The following GALK2 variants were observed in gnomAD, a reference collection of about 807,000 sequenced individuals.
GALK2 encodes N-acetylgalactosamine kinase.
In GALK2, 36 loss-of-function variants were observed where a neutral mutation model predicts 52.4. That is an observed-to-expected ratio of 0.69 (90% CI 0.53 to 0.91). The LOEUF (loss-of-function observed/expected upper bound fraction) is 0.91. GALK2 is among the 40% of genes least tolerant of loss of function. The probability of loss-of-function intolerance (pLI) is 0.00; values close to 1 mark genes in which losing one functional copy is unlikely to be tolerated. For synonymous variants in GALK2, 176 were observed against 199.1 expected (o/e 0.88, Z 0.98); for missense variants, 579 against 559.1 (o/e 1.04, Z -0.36).
chr15:49,179,796 A>G (rs181650973), intron 1 of GALK2, among the ~76,000 whole-genome samples: 12 of 152,012 alleles, frequency 7.9e-5, no homozygotes, highest in Admixed American at 3.9e-4. Flanking sequence ...TGAAATGCTC[A>G]TTGTATTTTT....
rs766613319 is a variant in GALK2, at chr15:49,201,189, C to T, written c.81C>T (p.Asn27=). Residue 27 remains asparagine, a synonymous_variant, in exon 2 of 10, where the codon AAC becomes AAT. Transcript: ENST00000560031. ...TACTGAAGCTAAAGGAGATGTTTAACTCCAAGTTTGGATCTATTCCCAAGT... is the reference window on the plus strand; with the variant it reads ...TACTGAAGCTAAAGGAGATGTTTAATTCCAAGTTTGGATCTATTCCCAAGT... ...PRLLKLKEMF[N]SKFGSIPKFY... 6.8e-6 allele frequency: 11 copies of T among 1,607,622 alleles called. No homozygotes were observed. The East Asian group carries it at 1.6e-4, about 23-fold the overall frequency.
At position 49,196,013 on chromosome 15, in the gene GALK2, TA is replaced by T. The variant is rs1384972905; in HGVS notation, c.54-5148del. 1.9e-4 allele frequency among the ~76,000 whole-genome samples: 29 copies of T among 152,242 alleles called. No individual in the cohort carries two copies. The East Asian group carries it at 4.0e-3, about 21-fold the overall frequency. On this transcript the variant is annotated intron_variant, in intron 1 of 9. Transcript: ENST00000560031. ...CTGTTTAGTAGTATTTTCCCTTTGT[TA>T]TTTTTTTATTTTGTACATTTGTGCT...
chr15:49,226,757 C>T (rs1477250130), intron 3 of GALK2: 2 of 152,004 alleles, frequency 1.3e-5, no homozygotes, highest in Non-Finnish European at 2.9e-5. Context: ...TAGTATATTC[C>T]ATAGATTTTG....
At chr15:49,322,929 C>T (rs1398871890) in intron 9 of GALK2, among the ~76,000 whole-genome samples, 5 of 146,598 alleles carry the variant, frequency 3.4e-5, no homozygotes, top group African/African-American at 5.1e-5. Context: ...TGCCCTCCAG[C>T]CTGTGGGACA....
chr15:49,283,647 T>G lies in GALK2; in HGVS notation c.685T>G (p.Cys229Gly). 1 of 1,614,034 alleles carries G rather than the reference T, an allele frequency of 6.2e-7. No individual in the cohort carries two copies. Among genetic ancestry groups the G allele is most frequent in the Non-Finnish European group, 8.5e-7 (1 of 1,179,922 alleles). ...SGAVFVIANS[C>G]VEMNKAATSH... The stretch of plus-strand genomic sequence containing the variant: ...AGCAGTGTTTGTGATTGCCAACAGT[T>G]GTGTGGAGATGAATAAGGCAGCAAC... Residue 229 changes from cysteine to glycine, a missense_variant, in exon 7 of 10, where the codon TGT (cysteine) becomes GGT (glycine). Cys to Gly is a radical substitution (Grantham distance 159). Coordinates refer to ENST00000560031, the MANE Select transcript of GALK2 (RefSeq NM_002044.4).
chr15:49,299,709 G>GCTTGCTTGCTTTCTTTCTTTCTTTCTTT (rs2034799400), intron 8 of GALK2, among the ~76,000 whole-genome samples: 26 of 85,242 alleles, frequency 3.1e-4, no homozygotes, highest in African/African-American at 1.3e-3. Flanking sequence ...TCTTGGTATT[G>GCTTGCTTGCTTTCTTTCTTTCTTTCTTT]CTTTCTTTCT....
chr15:49,281,950 G>A (rs376862212), intron 5 of GALK2, 37 bp from the exon 6 acceptor site: 2 of 1,441,070 alleles, frequency 1.4e-6, no homozygotes. Flanking sequence ...AATGGGTTAT[G>A]ACTACTCACA....
chr15:49,352,846 A>G (rs1255583593), intron 3 of GALK2, among the ~76,000 whole-genome samples: 1 of 152,150 alleles, frequency 6.6e-6, no homozygotes, highest in East Asian at 1.9e-4. Flanking sequence ...CACCTACCTC[A>G]GTCCTTAAAA....
intron 9 of GALK2, among the ~76,000 whole-genome samples, chr15:49,323,271 CCTCTAGCAAAGTA>C (rs2037052722): frequency 6.6e-6 from 1 of 152,100 alleles, no homozygotes; most frequent in Admixed American, 6.6e-5. Context: ...ACAGACACAA[CCTCTAGCAAAGTA>C]TTGCTTTGTT....
At chr15:49,256,144 T>C (rs2091806410) in intron 5 of GALK2, among the ~76,000 whole-genome samples, 1 of 152,130 alleles carries the variant, frequency 6.6e-6, no homozygotes, top group African/African-American at 2.4e-5. Flanking sequence ...CAACGCGAAT[T>C]TGGTTTGACT....
intron 5 of GALK2, among the ~76,000 whole-genome samples, chr15:49,242,343 A>T (rs1035455539): frequency 6.6e-6 from 1 of 152,190 alleles, no homozygotes; most frequent in African/African-American, 2.4e-5. Context: ...GGAGCTGTGG[A>T]TATAGAGTAA....
chr15:49,344,389 C>T (rs2151251764), intron 3 of GALK2: 1 of 152,184 alleles, frequency 6.6e-6, no homozygotes, highest in South Asian at 2.1e-4. Flanking sequence ...TTAATGTTTG[C>T]AAAAGGTTAC....
intron 3 of GALK2, among the ~76,000 whole-genome samples, chr15:49,220,081 G>A (rs1224664138): frequency 1.3e-5 from 1 of 77,868 alleles, no homozygotes; most frequent in African/African-American, 5.0e-5. Context: ...TTTTTTTTGA[G>A]ACAGAGTCTT....
intron 5 of GALK2, among the ~76,000 whole-genome samples, chr15:49,253,500 G>C (rs1262855674): frequency 2.8e-5 from 4 of 144,474 alleles, no homozygotes; most frequent in African/African-American, 9.9e-5. Context: ...TACTTCATAG[G>C]CAGAGCAGCC....
At chr15:49,296,500 C>T (rs780598757) in intron 8 of GALK2, among the ~76,000 whole-genome samples, 27 of 152,152 alleles carry the variant, frequency 1.8e-4, no homozygotes, top group Non-Finnish European at 2.8e-4. Context: ...TGTATTTGCA[C>T]CACGTTTTCT....
intron 8 of GALK2, among the ~76,000 whole-genome samples, chr15:49,299,743 C>CTTTCTTTCTTTCTTTCTTTCTTTTT (rs2034858672): frequency 7.4e-5 from 8 of 107,760 alleles, no homozygotes; most frequent in African/African-American, 2.9e-4. Context: ...TCTTTTCTTT[C>CTTTCTTTCTTTCTTTCTTTCTTTTT]TTTCTTTCTT....
intron 4 of GALK2, among the ~76,000 whole-genome samples, chr15:49,237,692 G>A (rs957137062): frequency 6.6e-6 from 1 of 152,000 alleles, no homozygotes; most frequent in African/African-American, 2.4e-5. Context: ...GGCCAGGCTG[G>A]TCTTGAACTC....
At chr15:49,214,277 GA>G (rs1421823308) in intron 2 of GALK2, among the ~76,000 whole-genome samples, 5 of 147,176 alleles carry the variant, frequency 3.4e-5, no homozygotes, top group African/African-American at 1.0e-4. Flanking sequence ...TCAGCAAAAA[GA>G]AAACAAAAAA....
At chr15:49,259,701 G>T (rs1256218579) in intron 5 of GALK2, among the ~76,000 whole-genome samples, 1 of 147,106 alleles carries the variant, frequency 6.8e-6, no homozygotes, top group Non-Finnish European at 1.5e-5. Context: ...CTAGCATTAG[G>T]TATATCTCCC....
Sources: gnomAD v4.1 joint callset for allele counts (sites outside exome capture counted in the v4.1 genomes callset) on GRCh38, gnomAD v4.1.1 for gene constraint, MANE v1.5 for transcripts, NCBI Gene and HGNC (gene_info 2026-07-23, HGNC 2026-07-21) for gene names.